CUBN: variants seen among roughly 807,000 people sequenced by gnomAD.
CUBN encodes cubilin.
In CUBN, 282 loss-of-function variants were observed where a neutral mutation model predicts 405.3. That is an observed-to-expected ratio of 0.70 (90% confidence interval 0.63 to 0.77). The LOEUF (loss-of-function observed/expected upper bound fraction) is 0.77. Among genes scored for constraint, CUBN ranks in the 30% least tolerant of loss-of-function variants. CUBN has a pLI of 0.00. For synonymous variants in CUBN, 1,684 were observed against 1,617.0 expected, an observed-to-expected ratio of 1.04 and a Z score of -0.99; for missense variants, 4,514 against 4,475.2, an observed-to-expected ratio of 1.01 and a Z score of -0.25.
intron 13 of CUBN, among the ~76,000 whole-genome samples, 171 bp from the exon 14 acceptor site, chr10:17,100,410 A>C (rs1223518711): frequency 6.6e-6 from 1 of 152,210 alleles, no homozygotes; most frequent in African/African-American, 2.4e-5. Flanking sequence ...AACTTGTGCT[A>C]AATATTGTTA....
intron 62 of CUBN, 90 bp downstream of exon 62, chr10:16,840,240 A>C (rs1419129333): frequency 2.6e-6 from 3 of 1,171,464 alleles, no homozygotes; most frequent in African/African-American, 3.1e-5. Context: ...AAAGAAAATT[A>C]TTTCATCATG....
At chr10:17,091,941 T>G (rs1424168776) in intron 14 of CUBN, among the ~76,000 whole-genome samples, 1 of 152,130 alleles carries the variant, frequency 6.6e-6, no homozygotes, top group Non-Finnish European at 1.5e-5. Context: ...CCATTCTTCA[T>G]TCTTTCACTT....
chr10:16,917,218 T>G (rs1318700493), intron 45 of CUBN, among the ~76,000 whole-genome samples: 1 of 152,180 alleles, frequency 6.6e-6, no homozygotes, highest in Non-Finnish European at 1.5e-5. Context: ...CTGTGCTAAA[T>G]AGAGTTACCT....
intron 31 of CUBN, among the ~76,000 whole-genome samples, chr10:16,966,701 G>C (rs1843400999): frequency 6.6e-6 from 1 of 152,052 alleles, no homozygotes; most frequent in Non-Finnish European, 1.5e-5. Context: ...CACCCACCTT[G>C]GCCTTTCAAA....
chr10:16,961,207 G>A (rs1030831300), intron 31 of CUBN, among the ~76,000 whole-genome samples: 1 of 152,114 alleles, frequency 6.6e-6, no homozygotes, highest in Non-Finnish European at 1.5e-5. Context: ...AAATAGCTGG[G>A]ACTACAGGTG....
At chr10:16,930,291 G>A (rs985411264) in intron 40 of CUBN, among the ~76,000 whole-genome samples, 2 of 152,168 alleles carry the variant, frequency 1.3e-5, no homozygotes, top group Admixed American at 6.5e-5. Flanking sequence ...TGCTTCACAT[G>A]TACTATCTGA....
In CUBN at chr10:17,129,219, C is replaced by A. The variant is rs1837265443; in HGVS notation, c.154G>T (p.Val52Leu). ...PRMATERGNL[V>L]FLTGSAQNIE... ...TTTTGAGCAGACCCCGTAAGAAACA[C>A]CAAATTTCCTCTCTCTGTAGCCATT... Residue 52 changes from valine to leucine, a missense_variant, in exon 2 of 67, where the codon GTG (valine) becomes TTG (leucine). Coordinates refer to ENST00000377833, the MANE Select transcript of CUBN (RefSeq NM_001081.4). 2 of 1,613,582 alleles carry A rather than the reference C, an allele frequency of 1.2e-6. No homozygotes were observed. Among genetic ancestry groups the A allele is most frequent in the African/African-American group, 1.3e-5 (1 of 74,916 alleles).
chr10:16,954,298 C>T, intron 32 of CUBN, 91 bp downstream of exon 32: 2 of 1,431,194 alleles, frequency 1.4e-6, no homozygotes, highest in East Asian at 2.3e-5. Flanking sequence ...AGGCTGTGAT[C>T]AATTTCTGAG....
At chr10:16,867,210 A>C (rs765119502) in intron 59 of CUBN, among the ~76,000 whole-genome samples, 9 of 152,196 alleles carry the variant, frequency 5.9e-5, no homozygotes, top group Non-Finnish European at 1.0e-4. Flanking sequence ...AAAATCCACT[A>C]TCTGGTCCAC....
intron 28 of CUBN, among the ~76,000 whole-genome samples, chr10:17,008,985 C>A (rs756151500): frequency 6.6e-6 from 1 of 152,062 alleles, no homozygotes; most frequent in Admixed American, 6.5e-5. Flanking sequence ...TCAAAAATGG[C>A]GGGACCTCTC....
In CUBN at chr10:17,071,522, C is replaced by T; in HGVS notation, c.2529G>A (p.Arg843=). The part of the protein sequence containing the change: ...PNVYPGERTC[R]WTIHQPQSQV... The stretch of plus-strand genomic sequence containing the variant: ...GGCTTTGGGGCTGGTGGATGGTCCA[C>T]CTACAGGTTCTTTCTCCAGGATACA... The change falls in exon 19 of 67, where the codon AGG becomes AGA. Residue 843 remains arginine, a synonymous_variant. Transcript: ENST00000377833. 6.2e-7 allele frequency: 1 copy of T among 1,613,926 alleles called. No homozygotes were observed. The highest frequency in any genetic ancestry group is 8.5e-7 in the Non-Finnish European group (1 of 1,179,934).
chr10:16,846,319 A>T (rs772962665), intron 60 of CUBN, among the ~76,000 whole-genome samples: 2 of 152,240 alleles, frequency 1.3e-5, no homozygotes, highest in Non-Finnish European at 2.9e-5. Context: ...CATTCTACAT[A>T]TAAAAGGAAT....
Position 16,874,394 on chromosome 10 carries a change from G to C in CUBN, c.9216C>G (p.Asp3072Glu). 1 of 1,614,068 alleles carries C rather than the reference G, an allele frequency of 6.2e-7. No individual in the cohort carries two copies. The highest frequency in any genetic ancestry group is 8.5e-7 in the Non-Finnish European group (1 of 1,179,940). ...MHCLYTITVSDDKVIELKFSD... is the reference protein window; with the variant it reads ...MHCLYTITVSEDKVIELKFSD... ...CGTACTTGAGCTCGATCACCTTGTC[G>C]TCACTAACGGTGATGGTATACAGAC... Residue 3072 changes from aspartate (D) to glutamate (E), a missense_variant, in exon 58 of 67, where the codon GAC becomes GAG. Around this residue, in one of 5 missense-constraint regions of CUBN, gnomAD observed 1,186 missense variants for 1,186.9 expected, o/e 1.00. Transcript: ENST00000377833.
chr10:17,102,846 G>C (rs1836530046), intron 13 of CUBN, among the ~76,000 whole-genome samples: 2 of 151,882 alleles, frequency 1.3e-5, no homozygotes, highest in South Asian at 4.2e-4. Context: ...TGGAACTCCT[G>C]ACCTCAGGTG....
chr10:16,945,538 T>A (rs1420123602), intron 36 of CUBN, among the ~76,000 whole-genome samples: 7 of 151,460 alleles, frequency 4.6e-5, no homozygotes, highest in Non-Finnish European at 7.4e-5. Flanking sequence ...GAGGCCAAGG[T>A]GGGTGAATTA....
chr10:17,113,937 T>C (rs1204031229), intron 8 of CUBN, 90 bp downstream of exon 8: 5 of 1,268,222 alleles, frequency 3.9e-6, no homozygotes, highest in Non-Finnish European at 5.6e-6. Flanking sequence ...CTAAGAATTG[T>C]CTTCTTACTC....
intron 62 of CUBN, 37 bp from the exon 63 acceptor site, chr10:16,836,419 G>T: frequency 6.3e-7 from 1 of 1,598,182 alleles, no homozygotes; most frequent in Non-Finnish European, 8.6e-7. Context: ...GTTAGATTTA[G>T]TCTTAGAAGA....
intron 59 of CUBN, among the ~76,000 whole-genome samples, chr10:16,863,090 GC>G: frequency 6.6e-6 from 1 of 152,228 alleles, no homozygotes; most frequent in East Asian, 1.9e-4. Flanking sequence ...CTGTCTACTT[GC>G]TTTTGTAAAG....
intron 27 of CUBN, among the ~76,000 whole-genome samples, chr10:17,028,463 G>A (rs1834720569): frequency 6.6e-6 from 1 of 151,978 alleles, no homozygotes; most frequent in Non-Finnish European, 1.5e-5. Flanking sequence ...GTTCACGCCT[G>A]TAATCCCAGC....
Sources: allele counts gnomAD v4.1 joint callset (sites outside exome capture counted in the v4.1 genomes callset), GRCh38; gene constraint gnomAD v4.1.1; regional missense constraint gnomAD v4.1.1; transcripts MANE v1.5; gene names NCBI Gene and HGNC (gene_info 2026-07-23, HGNC 2026-07-21).